Variants in KCNK12 observed in about 807,000 individuals in gnomAD.
KCNK12 encodes the protein potassium channel subfamily K member 12.
KCNK12 carries 6 observed loss-of-function variants against 25.3 expected under a neutral mutation model. The ratio of observed to expected loss-of-function variants is 0.24; its 90% CI spans 0.13 to 0.47. KCNK12 has a LOEUF of 0.47. KCNK12 is among the 20% of genes least tolerant of loss of function. KCNK12 has a pLI of 0.99. For missense variants in KCNK12, 444 were observed against 661.7 expected, an observed-to-expected ratio of 0.67 and a Z score of 3.61; for synonymous variants, 331 against 311.1, an observed-to-expected ratio of 1.06 and a Z score of -0.67.
chr2:47,512,101 C>G lies in KCNK12; in HGVS notation c.*8806G>C, dbSNP rs1268893166. On this transcript the variant is annotated 3_prime_UTR_variant, in exon 2 of 2. Transcript: ENST00000327876. ...TTGAAGCTGCACCTTCAGCAGGAAC[C>G]TGGCCAGTCCTTAGTGGAGGACATT... is the stretch of plus-strand genomic sequence containing the variant. Among the ~76,000 whole-genome samples the G allele has an allele frequency of 6.6e-6, 1 of 152,182 alleles. No homozygotes were observed.
Position 47,538,019 on chromosome 2 carries a change from G to A in KCNK12, c.392-16211C>T, listed in dbSNP as rs2104803073. On this transcript the variant is annotated intron_variant, in intron 1 of 1. Coordinates refer to ENST00000327876, the MANE Select transcript of KCNK12 (RefSeq NM_022055.2). This position sits in a 1 kb window ranked among gnomAD's most constrained non-coding sequence, Gnocchi z 4.5. The stretch of plus-strand genomic sequence containing the variant: ...GGATAAGACTTTCCAGGGAGCACGT[G>A]TGGTATGAGAATGAAGGCCCCTGAG... Among the ~76,000 whole-genome samples, 1 of 152,316 alleles carries A rather than the reference G, an allele frequency of 6.6e-6. No homozygotes were observed.
intron 1 of KCNK12, among the ~76,000 whole-genome samples, chr2:47,523,228 G>A (rs1000427812): frequency 3.3e-5 from 5 of 152,234 alleles, no homozygotes; most frequent in African/African-American, 1.2e-4. Flanking sequence ...TAACCAGGTA[G>A]CTAGAGTTAA....
At chr2:47,559,442 T>C (rs564102193) in intron 1 of KCNK12, among the ~76,000 whole-genome samples, 1 of 152,342 alleles carries the variant, frequency 6.6e-6, no homozygotes, top group Admixed American at 6.5e-5. Context: ...GGTTTTCAGT[T>C]ACTCATTCAT....
rs1023459077 is a variant in KCNK12 at position 47,519,495 on chromosome 2, G to C, written c.*1412C>G. ...GCCCTCATCATATATGAGAAAAATG[G>C]GCAGAGAGAGTGTTCGTTTACACCC... On this transcript the variant is annotated 3_prime_UTR_variant, in exon 2 of 2. Transcript: ENST00000327876. 2.0e-5 allele frequency: 3 copies of C among 152,124 alleles called. No individual in the cohort carries two copies. The highest frequency in any genetic ancestry group is 7.2e-5 in the African/African-American group (3 of 41,386). 9.4% of individuals were successfully genotyped at this position (152,124 alleles called of 1,614,324 possible).
chr2:47,531,126 G>A (rs1668915066), intron 1 of KCNK12, among the ~76,000 whole-genome samples: 1 of 152,178 alleles, frequency 6.6e-6, no homozygotes, highest in Non-Finnish European at 1.5e-5. Context: ...GGCCTTCCTG[G>A]TGGAATGATT....
chr2:47,534,516 C>CCT (rs1491177242), intron 1 of KCNK12, among the ~76,000 whole-genome samples: 1 of 19,894 alleles, frequency 5.0e-5, no homozygotes, highest in African/African-American at 3.5e-4. Flanking sequence ...CCCCTTCTAA[C>CCT]CCCCCCCCCC....
In KCNK12 at chr2:47,514,947, C is replaced by T. The variant is rs1004000168; in HGVS notation, c.*5960G>A. Among the ~76,000 whole-genome samples, 1 of 152,132 alleles carries T rather than the reference C, an allele frequency of 6.6e-6. No homozygotes were observed. Among genetic ancestry groups the T allele is most frequent in the African/African-American group, 2.4e-5 (1 of 41,424 alleles). ...TTTTAAAATCTGCTTGTTAGATACA[C>T]TCATAGAAAGGTAACTGGCCACAGA... On this transcript the variant is annotated 3_prime_UTR_variant, in exon 2 of 2. Coordinates refer to ENST00000327876, the MANE Select transcript of KCNK12 (RefSeq NM_022055.2). The surrounding 1 kb of genome is among the most constrained non-coding windows in gnomAD (Gnocchi z 5.0).
intron 1 of KCNK12, among the ~76,000 whole-genome samples, chr2:47,534,515 A>ACCC (rs34901455): frequency 0.018 from 857 of 48,088 alleles, 19 homozygotes; most frequent in Middle Eastern, 0.026. Context: ...GCCCCTTCTA[A>ACCC]CCCCCCCCCC....
rs999454183 is a variant in KCNK12 at position 47,525,241 on chromosome 2, C to T, written c.392-3433G>A. ...AAAGGCTGGGGATTGATGGGATCTT[C>T]CATCAGTTGGGAAGTTGTTATGGGT... On this transcript the variant is annotated intron_variant, in intron 1 of 1. Transcript: ENST00000327876. This position sits in a 1 kb window ranked among gnomAD's most constrained non-coding sequence, Gnocchi z 4.1. 3.3e-5 allele frequency among the ~76,000 whole-genome samples: 5 copies of T among 152,202 alleles called. No individual in the cohort carries two copies. Among genetic ancestry groups the T allele is most frequent in the African/African-American group, 1.2e-4 (5 of 41,450 alleles).
At chr2:47,526,531 A>G (rs11896864) in intron 1 of KCNK12, among the ~76,000 whole-genome samples, 83,878 of 152,022 alleles carry the variant, frequency 0.55, 25,271 homozygotes, top group African/African-American at 0.8. Context: ...CCAGGAGTTC[A>G]AGACCAGCCT....
intron 1 of KCNK12, among the ~76,000 whole-genome samples, chr2:47,549,803 G>C (rs921075944): frequency 6.6e-6 from 1 of 151,954 alleles, no homozygotes; most frequent in Admixed American, 6.5e-5. Flanking sequence ...GCGCAGTGGC[G>C]GGCGCCTGTA....
intron 1 of KCNK12, chr2:47,564,293 C>G (rs1669746874): frequency 4.3e-6 from 1 of 230,106 alleles, no homozygotes; most frequent in Non-Finnish European, 8.6e-6. Context: ...GGGCTGGCCA[C>G]AAGCACCATG....
At chr2:47,521,872 TGGGGGGTGTGGGGGC>T in intron 1 of KCNK12, 64 bp from the exon 2 acceptor site, 1 of 224,390 alleles carries the variant, frequency 4.5e-6, no homozygotes, top group Non-Finnish European at 6.9e-6. Context: ...TGGGCGAGGG[TGGGGGGTGTGGGGGC>T]GGGGGCATGC....
chr2:47,568,951 C>G (rs909697879), intron 1 of KCNK12, among the ~76,000 whole-genome samples: 2 of 151,834 alleles, frequency 1.3e-5, no homozygotes, highest in South Asian at 4.2e-4. Flanking sequence ...ACATGACACC[C>G]AGGGCCCAGG....
intron 1 of KCNK12, among the ~76,000 whole-genome samples, chr2:47,537,459 T>C (rs1168256551): frequency 6.6e-6 from 1 of 151,864 alleles, no homozygotes. Flanking sequence ...GCCTCCTGAG[T>C]AGCTGGGATT....
At position 47,512,744 on chromosome 2, in the gene KCNK12, T is replaced by C. The variant is rs564936141; in HGVS notation, c.*8163A>G. 4.0e-6 allele frequency: 1 copy of C among 252,026 alleles called. No homozygotes were observed. Among genetic ancestry groups the C allele is most frequent in the Non-Finnish European group, 7.7e-6 (1 of 130,634 alleles). 15.6% of individuals were successfully genotyped at this position (252,026 alleles called of 1,614,324 possible). A position where few individuals can be genotyped will look rare whatever the true frequency, so the allele number is the denominator to read the frequency against. ...TTGTTGGATTCCTTCCAAACAGGTTTACCACTGGGAGAGCCTGTTGGTTGG... is the reference window on the plus strand; with the variant it reads ...TTGTTGGATTCCTTCCAAACAGGTTCACCACTGGGAGAGCCTGTTGGTTGG... On this transcript the variant is annotated 3_prime_UTR_variant, in exon 2 of 2. Coordinates refer to ENST00000327876, the MANE Select transcript of KCNK12 (RefSeq NM_022055.2).
chr2:47,512,367 G>A lies in KCNK12; in HGVS notation c.*8540C>T, dbSNP rs760339460. ...TTGCTGACATGGAAAAGGAAACTTCGTGGGGGAAAGAGATCTGCTTGCAGT... is the reference window on the plus strand; with the variant it reads ...TTGCTGACATGGAAAAGGAAACTTCATGGGGGAAAGAGATCTGCTTGCAGT... On this transcript the variant is annotated 3_prime_UTR_variant, in exon 2 of 2. Transcript: ENST00000327876. 66 of 1,612,246 alleles carry A rather than the reference G, an allele frequency of 4.1e-5. No homozygotes were observed. Among genetic ancestry groups the A allele is most frequent in the South Asian group, 3.2e-4 (29 of 90,830 alleles).
At chr2:47,527,621 T>C (rs1332854945) in intron 1 of KCNK12, 2 of 152,314 alleles carry the variant, frequency 1.3e-5, no homozygotes, top group Non-Finnish European at 2.9e-5. Flanking sequence ...CTCCAAACTC[T>C]TCCATGTCTG....
chr2:47,512,316 C>T lies in KCNK12; in HGVS notation c.*8591G>A, dbSNP rs771204332. The T allele has an allele frequency of 6.2e-7, 1 of 1,612,612 alleles. No individual in the cohort carries two copies. On this transcript the variant is annotated 3_prime_UTR_variant, in exon 2 of 2. Coordinates refer to ENST00000327876, the MANE Select transcript of KCNK12 (RefSeq NM_022055.2). ...CCTTCCTTTCAGAACCTCAGAGTGACAGAGCCAAAAGACCAGTGCCTCATT... is the reference window on the plus strand; with the variant it reads ...CCTTCCTTTCAGAACCTCAGAGTGATAGAGCCAAAAGACCAGTGCCTCATT...
Sources: allele counts gnomAD v4.1 joint callset (sites outside exome capture counted in the v4.1 genomes callset), GRCh38; gene constraint gnomAD v4.1.1; non-coding constraint Gnocchi (gnomAD v3.1); transcripts MANE v1.5; gene names NCBI Gene and HGNC (gene_info 2026-07-23, HGNC 2026-07-21).